Variants in DLX2 observed in about 807,000 individuals in gnomAD.
DLX2 encodes the protein distal-less homeobox 2, also known as homeobox protein DLX-2.
DLX2 carries 8 observed loss-of-function variants against 27.4 expected under a neutral mutation model. The observed-to-expected ratio is 0.29, with a 90% CI of 0.17 to 0.53. DLX2 has a LOEUF of 0.53. Among genes scored for constraint, DLX2 ranks in the 20% least tolerant of loss-of-function variants. The pLI, the probability that DLX2 is intolerant of heterozygous loss-of-function variation, is 0.96. For missense variants in DLX2, 421 were observed against 450.9 expected (o/e 0.93, Z 0.60); for synonymous variants, 210 against 200.8 (o/e 1.05, Z -0.39).
At chr2:172,102,007 G>T (rs1691166825) in intron 1 of DLX2, 132 bp downstream of exon 1, 2 of 1,440,036 alleles carry the variant, frequency 1.4e-6, no homozygotes, top group Admixed American at 2.5e-5. Context: ...GGAGGGTAAA[G>T]GGCACAAGCG....
intron 1 of DLX2, 69 bp downstream of exon 1, chr2:172,102,069 CA>C (rs1691167997): frequency 6.5e-7 from 1 of 1,544,376 alleles, no homozygotes; most frequent in Admixed American, 2.0e-5. Context: ...CCCCCCGCCC[CA>C]AACACGTTTA....
rs576595277 is a variant in DLX2, at chr2:172,102,649, G to A, written c.-111C>T. On this transcript the variant is annotated 5_prime_UTR_variant, in exon 1 of 3. Transcript: ENST00000234198. ...AGCCAATGTAATTACGGGGGTGGTG[G>A]TGGGGAAACAAGAAAGGAGGCAACC... 132 of 1,161,694 alleles carry A rather than the reference G, an allele frequency of 1.1e-4. No individual in the cohort carries two copies. The Middle Eastern group carries it at 2.1e-3, about 18-fold the overall frequency. 72.0% of individuals were successfully genotyped at this position (1,161,694 alleles called of 1,614,324 possible). A position where few individuals can be genotyped will look rare whatever the true frequency, so the allele number is the denominator to read the frequency against.
At chr2:172,101,439 C>A (rs779192643) in intron 2 of DLX2, 23 bp downstream of exon 2, 31 of 1,579,624 alleles carry the variant, frequency 2.0e-5, no homozygotes, top group Non-Finnish European at 2.7e-5. Flanking sequence ...GCTCTCCTCG[C>A]CCCTGCAGGG....
In DLX2 at chr2:172,102,769, C is replaced by T. The variant is rs1180598406; in HGVS notation, c.-231G>A. Reference sequence around the variant, plus strand: ...TCCTCTTTCGGCCTCTGGGCCCGCTCGGCTCCTTGCCCAGCGCGAGCGCGG... The same window carrying T: ...TCCTCTTTCGGCCTCTGGGCCCGCTTGGCTCCTTGCCCAGCGCGAGCGCGG... On this transcript the variant is annotated 5_prime_UTR_variant, in exon 1 of 3. Coordinates refer to ENST00000234198, the MANE Select transcript of DLX2 (RefSeq NM_004405.4). 1 of 270,766 alleles carries T rather than the reference C, an allele frequency of 3.7e-6. No homozygotes were observed. Among genetic ancestry groups the T allele is most frequent in the Non-Finnish European group, 6.8e-6 (1 of 146,910 alleles). 16.8% of individuals were successfully genotyped at this position (270,766 alleles called of 1,614,324 possible).
At chr2:172,101,079 G>T in intron 2 of DLX2, 135 bp from the exon 3 acceptor site, 1 of 964,108 alleles carries the variant, frequency 1.0e-6, no homozygotes, top group Non-Finnish European at 1.5e-6. Context: ...GAGATAAGAG[G>T]ATCACGGGCG....
rs1559032556 is a variant in DLX2 at position 172,101,440 on chromosome 2, CCCTGCA to C, written c.585+16_585+21del. On this transcript the variant is annotated intron_variant, in intron 2 of 2. Coordinates refer to ENST00000234198, the MANE Select transcript of DLX2 (RefSeq NM_004405.4). ...CATCTCAGGCCCGCGCTCTCCTCGC[CCCTGCA>C]GGGCGCGAGCCCCACCTGAGTCTGG... 1 of 1,581,324 alleles carries C rather than the reference CCCTGCA, an allele frequency of 6.3e-7. No individual in the cohort carries two copies. The highest frequency in any genetic ancestry group is 1.9e-5 in the Admixed American group (1 of 54,022).
At position 172,102,784 on chromosome 2, in the gene DLX2, C is replaced by A; in HGVS notation, c.-246G>T. The A allele has an allele frequency of 4.2e-6, 1 of 240,262 alleles. No individual in the cohort carries two copies. Among genetic ancestry groups the A allele is most frequent in the Non-Finnish European group, 7.8e-6 (1 of 128,148 alleles). 14.9% of individuals were successfully genotyped at this position (240,262 alleles called of 1,614,324 possible). On this transcript the variant is annotated 5_prime_UTR_variant, in exon 1 of 3. Coordinates refer to ENST00000234198, the MANE Select transcript of DLX2 (RefSeq NM_004405.4). ...TGGGCCCGCTCGGCTCCTTGCCCAG[C>A]GCGAGCGCGGGCTCTGGCGGGGGGC... is the stretch of plus-strand genomic sequence containing the variant.
chr2:172,101,504 C>T lies in DLX2; in HGVS notation c.543G>A (p.Glu181=), dbSNP rs1229980856. 21 of 1,612,528 alleles carry T rather than the reference C, an allele frequency of 1.3e-5. No homozygotes were observed. The highest frequency in any genetic ancestry group is 1.8e-5 in the Non-Finnish European group (21 of 1,179,170). The part of the protein sequence containing the change: ...FQKTQYLALP[E]RAELAASLGL... ...CCAGAGAGGCCGCCAGCTCGGCTCG[C>T]TCCGGCAAGGCCAAGTATTGAGTCT... The change falls in exon 2 of 3, where the codon GAG becomes GAA. Residue 181 remains glutamate (E), a synonymous_variant. Transcript: ENST00000234198.
At position 172,100,335 on chromosome 2, in the gene DLX2, C is replaced by A. The variant is rs374314739; in HGVS notation, c.*208G>T. 4.2e-5 allele frequency: 21 copies of A among 500,922 alleles called. No homozygotes were observed. In the South Asian group the frequency reaches 8.4e-4, roughly 20 times the overall value. 31.0% of individuals were successfully genotyped at this position (500,922 alleles called of 1,614,324 possible). A position where few individuals can be genotyped will look rare whatever the true frequency, so the allele number is the denominator to read the frequency against. On this transcript the variant is annotated 3_prime_UTR_variant, in exon 3 of 3. Transcript: ENST00000234198. The surrounding 1 kb of genome is among the most constrained non-coding windows in gnomAD (Gnocchi z 4.5). ...CAGAAATGCGGCCTTTTAGGGAGGC[C>A]TTTGCCAAGCTGCTGTCCGGTTCCC... is the stretch of plus-strand genomic sequence containing the variant.
At position 172,100,788 on chromosome 2, in the gene DLX2, GC is replaced by G. The variant is rs1691140498; in HGVS notation, c.741del (p.Gln247HisfsTer76). 6.3e-7 allele frequency: 1 copy of G among 1,593,698 alleles called. No homozygotes were observed. ...CCCGGACCACCGCCGCCCGCCATCCGCTGCGGCACACCAAAGTCCCAGGAGG... is the reference window on the plus strand; with the variant it reads ...CCCGGACCACCGCCGCCCGCCATCCGTGCGGCACACCAAAGTCCCAGGAGG... Reference protein sequence around the residue: ...APASWDFGVPQRMAGGGGPGS... With the variant: ...APASWDFGVPXRMAGGGGPGS... On this transcript the variant is annotated frameshift_variant, in exon 3 of 3. Coordinates refer to ENST00000234198, the MANE Select transcript of DLX2 (RefSeq NM_004405.4). LOFTEE classifies it high-confidence loss of function. This position sits in a 1 kb window ranked among gnomAD's most constrained non-coding sequence, Gnocchi z 4.5.
rs1691184828 is a variant in DLX2, at chr2:172,102,578, CG to C, written c.-41del. 1.4e-6 allele frequency: 2 copies of C among 1,467,210 alleles called. No homozygotes were observed. Among genetic ancestry groups the C allele is most frequent in the Admixed American group, 5.4e-5 (2 of 37,264 alleles). The allele number at this position is 1,467,210 out of a possible 1,614,324, so 90.9% of individuals were successfully genotyped here. The stretch of plus-strand genomic sequence containing the variant: ...GGAAAGAGCAGAGGTGGCGGGCGTG[CG>C]GGGGAAGCCAGGCGCCTCCTCTGTC... On this transcript the variant is annotated 5_prime_UTR_variant, in exon 1 of 3. Coordinates refer to ENST00000234198, the MANE Select transcript of DLX2 (RefSeq NM_004405.4).
Position 172,100,964 on chromosome 2 carries a change from A to G in DLX2, c.586-20T>C. 1 of 1,607,300 alleles carries G rather than the reference A, an allele frequency of 6.2e-7. No homozygotes were observed. Among genetic ancestry groups the G allele is most frequent in the Non-Finnish European group, 8.5e-7 (1 of 1,177,794 alleles). On this transcript the variant is annotated intron_variant, in intron 2 of 2. Coordinates refer to ENST00000234198, the MANE Select transcript of DLX2 (RefSeq NM_004405.4). The surrounding 1 kb of genome is among the most constrained non-coding windows in gnomAD (Gnocchi z 4.5). ...TTTGACCTTTGAGGAAAAAGACCTG[A>G]GCATTAGTGGAGGAACCTAGTCTTG...
chr2:172,102,323 G>C lies in DLX2; in HGVS notation c.216C>G (p.His72Gln). ...CCCCGCCGCCGCCGCCGCCCGCCGG[G>C]TGCTGCTGGTTGGTGTAGTAGCTGC... is the stretch of plus-strand genomic sequence containing the variant. ...TDSSYYTNQQ[H>Q]PAGGGGGGGS... Residue 72 changes from histidine to glutamine, a missense_variant, in exon 1 of 3, where the codon CAC (histidine) becomes CAG (glutamine). By Grantham distance (24) the His-to-Gln change is conservative (BLOSUM62 0). Coordinates refer to ENST00000234198, the MANE Select transcript of DLX2 (RefSeq NM_004405.4). The C allele has an allele frequency of 6.2e-7, 1 of 1,606,794 alleles. No homozygotes were observed. Among genetic ancestry groups the C allele is most frequent in the Non-Finnish European group, 8.5e-7 (1 of 1,176,600 alleles).
At position 172,102,732 on chromosome 2, in the gene DLX2, C is replaced by T. The variant is rs942171904; in HGVS notation, c.-194G>A. On this transcript the variant is annotated 5_prime_UTR_variant, in exon 1 of 3. Coordinates refer to ENST00000234198, the MANE Select transcript of DLX2 (RefSeq NM_004405.4). ...CACCGTGCGCTGCTCGGGACAGCTG[C>T]CTCTGGTCGCATCCTCTTTCGGCCT... is the stretch of plus-strand genomic sequence containing the variant. 11 of 558,426 alleles carry T rather than the reference C, an allele frequency of 2.0e-5. No individual in the cohort carries two copies. Among genetic ancestry groups the T allele is most frequent in the African/African-American group, 1.8e-4 (9 of 49,988 alleles). 34.6% of individuals were successfully genotyped at this position (558,426 alleles called of 1,614,324 possible).
rs1246191207 is a variant in DLX2, at chr2:172,102,227, G to T, written c.312C>A (p.Ala104=). The T allele has an allele frequency of 6.2e-7, 1 of 1,614,202 alleles. No homozygotes were observed. The highest frequency in any genetic ancestry group is 1.1e-5 in the South Asian group (1 of 91,078). ...ASGLNNVPYS[A]KSSYDLGYTA... ...TGTAGCCCAGGTCATAGCTGCTCTTGGCGGAGTAAGGGACGTTGTTGAGGC... is the reference window on the plus strand; with the variant it reads ...TGTAGCCCAGGTCATAGCTGCTCTTTGCGGAGTAAGGGACGTTGTTGAGGC... The change falls in exon 1 of 3, where the codon GCC becomes GCA. Residue 104 remains alanine, a synonymous_variant. Coordinates refer to ENST00000234198, the MANE Select transcript of DLX2 (RefSeq NM_004405.4).
chr2:172,100,488 A>G lies in DLX2; in HGVS notation c.*55T>C. ...GGAGGAGGGAACCCCGGCTCGGGGT[A>G]AGCAATGAGGATAAGTGGTCTCTGC... On this transcript the variant is annotated 3_prime_UTR_variant, in exon 3 of 3. Transcript: ENST00000234198. This position sits in a 1 kb window ranked among gnomAD's most constrained non-coding sequence, Gnocchi z 4.5. 6.8e-7 allele frequency: 1 copy of G among 1,478,432 alleles called. No individual in the cohort carries two copies. The highest frequency in any genetic ancestry group is 9.0e-7 in the Non-Finnish European group (1 of 1,115,916). The allele number at this position is 1,478,432 out of a possible 1,614,324, so 91.6% of individuals were successfully genotyped here.
chr2:172,102,400 G>GGCTGCT lies in DLX2; in HGVS notation c.133_138dup (p.Ser45_Ser46dup), dbSNP rs201510837. 1.9e-6 allele frequency: 3 copies of GGCTGCT among 1,552,354 alleles called. No homozygotes were observed. Among genetic ancestry groups the GGCTGCT allele is most frequent in the East Asian group, 2.4e-5 (1 of 40,956 alleles). On this transcript the variant is annotated inframe_insertion, in exon 1 of 3. Coordinates refer to ENST00000234198, the MANE Select transcript of DLX2 (RefSeq NM_004405.4). The stretch of plus-strand genomic sequence containing the variant: ...GTGGGCGACTCCTGGGGCTTGTGGA[G>GGCTGCT]GCTGCTGCTGCTGCTGCTGTTGCCA...
In DLX2 at chr2:172,102,288, T is replaced by C. The variant is rs570628974; in HGVS notation, c.251A>G (p.Tyr84Cys). 4.3e-6 allele frequency: 7 copies of C among 1,611,954 alleles called. No individual in the cohort carries two copies. Among genetic ancestry groups the C allele is most frequent in the Middle Eastern group, 1.7e-4 (1 of 6,056 alleles). ...AGGGGGGGSP[Y>C]AHMGSYQYQA... ...GTACTGGTAGGAACCCATGTGCGCG[T>C]AGGGCGAGCCCCCGCCGCCGCCGCC... The change falls in exon 1 of 3, where the codon TAC becomes TGC. Residue 84 changes from tyrosine to cysteine, a missense_variant. Tyr to Cys is a radical substitution (Grantham distance 194). This residue lies in a region of DLX2 where 141 missense variants were observed against 123.5 expected (regional missense o/e 1.14). Transcript: ENST00000234198.
rs1691128753 is a variant in DLX2, at chr2:172,100,283, G to C, written c.*260C>G. 1.0e-5 allele frequency: 4 copies of C among 390,592 alleles called. No individual in the cohort carries two copies. Among genetic ancestry groups the C allele is most frequent in the Admixed American group, 4.5e-5 (1 of 22,106 alleles). 24.2% of individuals were successfully genotyped at this position (390,592 alleles called of 1,614,324 possible). ...GGAAGGCAAGTCCGAGGCGGGGCTC[G>C]AAACAGCCGAGACCCGGGGCTCAGG... is the stretch of plus-strand genomic sequence containing the variant. On this transcript the variant is annotated 3_prime_UTR_variant, in exon 3 of 3. Coordinates refer to ENST00000234198, the MANE Select transcript of DLX2 (RefSeq NM_004405.4). The surrounding 1 kb of genome is among the most constrained non-coding windows in gnomAD (Gnocchi z 4.5).
Sources: gnomAD v4.1 joint callset for allele counts on GRCh38, gnomAD v4.1.1 for gene constraint, gnomAD v4.1.1 regional missense constraint, Gnocchi (gnomAD v3.1) non-coding constraint, MANE v1.5 for transcripts, NCBI Gene and HGNC (gene_info 2026-07-23, HGNC 2026-07-21) for gene names.